The following RAB5C variants were observed in gnomAD, a reference collection of about 807,000 sequenced individuals.
RAB5C encodes the protein ras-related protein Rab-5C.
A neutral mutation model predicts 25.2 loss-of-function variants in RAB5C; 4 were observed. That is an observed-to-expected ratio of 0.16 (90% CI 0.08 to 0.36). The LOEUF (loss-of-function observed/expected upper bound fraction) is 0.36, where lower values mean the gene tolerates loss of function less well. RAB5C is among the 10% of genes least tolerant of loss of function. The pLI is 1.00. For synonymous variants in RAB5C, 100 were observed against 106.4 expected (o/e 0.94, Z 0.37); for missense variants, 199 against 283.8 (o/e 0.70, Z 2.15).
intron 1 of RAB5C, among the ~76,000 whole-genome samples, chr17:42,154,141 G>T (rs376299646): frequency 6.6e-6 from 1 of 152,184 alleles, no homozygotes; most frequent in South Asian, 2.1e-4. Context: ...TGGAGCAAGG[G>T]GGGAGGGGAA....
chr17:42,134,126 T>G (rs1216420333), intron 1 of RAB5C, among the ~76,000 whole-genome samples: 1 of 152,014 alleles, frequency 6.6e-6, no homozygotes, highest in East Asian at 1.9e-4. Context: ...TATGAGGGTG[T>G]CTAAGCCAGG....
Position 42,143,576 on chromosome 17 carries a change from G to A in RAB5C, c.-89+11317C>T, listed in dbSNP as rs772783884. 2.6e-5 allele frequency among the ~76,000 whole-genome samples: 4 copies of A among 152,168 alleles called. 1 individual carries two copies. The South Asian group carries it at 6.2e-4, about 24-fold the overall frequency. On this transcript the variant is annotated intron_variant, in intron 1 of 5. Transcript: ENST00000346213. The stretch of plus-strand genomic sequence containing the variant: ...TGCATGAATCTGGGAGGCAGAGGCT[G>A]CAGTGAGCTGAGATCGTGCAGCTGC...
intron 3 of RAB5C, 67 bp from the exon 4 acceptor site, chr17:42,128,450 G>C (rs539548222): frequency 2.1e-5 from 32 of 1,541,936 alleles, no homozygotes; most frequent in Non-Finnish European, 3.5e-6. Context: ...ACCCATTAGA[G>C]ACTCTCAAGC....
At chr17:42,139,538 C>T (rs181592832) in intron 1 of RAB5C, among the ~76,000 whole-genome samples, 64 of 152,322 alleles carry the variant, frequency 4.2e-4, no homozygotes, top group African/African-American at 1.5e-3. Flanking sequence ...TCTCGGCTCA[C>T]TGCAACCTCC....
chr17:42,148,925 C>T (rs948110925), intron 1 of RAB5C, among the ~76,000 whole-genome samples: 4 of 152,120 alleles, frequency 2.6e-5, no homozygotes, highest in Non-Finnish European at 4.4e-5. Context: ...CTGGGGTTGT[C>T]GGAGGATTAA....
At position 42,129,151 on chromosome 17, in the gene RAB5C, C is replaced by T. The variant is rs539497402; in HGVS notation, c.167-351G>A. On this transcript the variant is annotated intron_variant, in intron 2 of 5. Transcript: ENST00000346213. ...CCTACTCCAAGCACAGAAGGGTGAGCGCCCTCAGACCTCCTCCTCCGCCAC... is the reference window on the plus strand; with the variant it reads ...CCTACTCCAAGCACAGAAGGGTGAGTGCCCTCAGACCTCCTCCTCCGCCAC... 9.9e-5 allele frequency among the ~76,000 whole-genome samples: 15 copies of T among 152,190 alleles called. No individual in the cohort carries two copies. In the South Asian group the frequency reaches 2.1e-3, roughly 21 times the overall value.
At position 42,133,660 on chromosome 17, in the gene RAB5C, G is replaced by A. The variant is rs532154670; in HGVS notation, c.-88-3070C>T. Reference sequence around the variant, plus strand: ...AGAGTGAGCACAGGCACTGGCTTTCGGCACCACAGATGTGACTGTCTCCTG... The same window carrying A: ...AGAGTGAGCACAGGCACTGGCTTTCAGCACCACAGATGTGACTGTCTCCTG... On this transcript the variant is annotated intron_variant, in intron 1 of 5. Transcript: ENST00000346213. 3.5e-4 allele frequency among the ~76,000 whole-genome samples: 53 copies of A among 152,292 alleles called. No homozygotes were observed. The South Asian group carries it at 1.0e-2, about 29-fold the overall frequency.
rs2054472903 is a variant in RAB5C, at chr17:42,130,470, A to G, written c.33T>C (p.Asn11=). The G allele has an allele frequency of 1.2e-6, 2 of 1,613,954 alleles. No individual in the cohort carries two copies. The highest frequency in any genetic ancestry group is 1.3e-5 in the African/African-American group (1 of 74,884). The part of the protein sequence containing the change: MAGRGGAARP[N]GPAAGNKICQ... The stretch of plus-strand genomic sequence containing the variant: ...AGATCTTGTTCCCAGCAGCTGGTCC[A>G]TTGGGTCGTGCTGCGCCTCCCCGAC... The change falls in exon 2 of 6, where the codon AAT becomes AAC. Residue 11 remains asparagine, a synonymous_variant. Coordinates refer to ENST00000346213, the MANE Select transcript of RAB5C (RefSeq NM_004583.4).
chr17:42,132,818 A>C (rs1399940586), intron 1 of RAB5C, among the ~76,000 whole-genome samples: 1 of 151,920 alleles, frequency 6.6e-6, no homozygotes, highest in East Asian at 1.9e-4. Flanking sequence ...TATCTCCTTC[A>C]AGCTTTACGA....
chr17:42,128,839 TG>T (rs1392860562), intron 2 of RAB5C, 39 bp from the exon 3 acceptor site: 25 of 1,418,314 alleles, frequency 1.8e-5, no homozygotes, highest in Non-Finnish European at 2.2e-5. Context: ...AAGAGCGAGT[TG>T]GAATCCACCC....
chr17:42,134,599 C>T (rs558093124), intron 1 of RAB5C, among the ~76,000 whole-genome samples: 34 of 152,208 alleles, frequency 2.2e-4, no homozygotes, highest in African/African-American at 7.9e-4. Flanking sequence ...GACTTTTTTT[C>T]ACAAGTACAA....
intron 1 of RAB5C, among the ~76,000 whole-genome samples, chr17:42,139,770 G>A (rs1295227203): frequency 6.6e-6 from 1 of 152,114 alleles, no homozygotes; most frequent in Non-Finnish European, 1.5e-5. Flanking sequence ...AGCTCAACTT[G>A]GAATCTTTCT....
intron 1 of RAB5C, among the ~76,000 whole-genome samples, chr17:42,151,256 G>A (rs888423493): frequency 2.0e-5 from 3 of 152,084 alleles, no homozygotes; most frequent in Admixed American, 2.0e-4. Context: ...CTAACACGGC[G>A]GAACCCCATC....
chr17:42,146,525 C>T (rs147895906), intron 1 of RAB5C, among the ~76,000 whole-genome samples: 2 of 152,152 alleles, frequency 1.3e-5, no homozygotes, highest in Admixed American at 1.3e-4. Context: ...CCAAGGCAGG[C>T]AGACCACAAA....
At position 42,150,709 on chromosome 17, in the gene RAB5C, A is replaced by G. The variant is rs193060313; in HGVS notation, c.-89+4184T>C. ...GGTCAAACCCCATCTCTACAAAAAT[A>G]CCAAAAAAAAAAATTAGCCGGGCAT... is the stretch of plus-strand genomic sequence containing the variant. On this transcript the variant is annotated intron_variant, in intron 1 of 5. Coordinates refer to ENST00000346213, the MANE Select transcript of RAB5C (RefSeq NM_004583.4). Among the ~76,000 whole-genome samples, 1,023 of 147,152 alleles carry G rather than the reference A, an allele frequency of 7.0e-3. 8 individuals are homozygous for G. Among genetic ancestry groups the G allele is most frequent in the Non-Finnish European group, 5.9e-3 (395 of 66,678 alleles).
At chr17:42,145,157 A>G (rs2079628137) in intron 1 of RAB5C, among the ~76,000 whole-genome samples, 1 of 151,908 alleles carries the variant, frequency 6.6e-6, no homozygotes, top group Admixed American at 6.6e-5. Flanking sequence ...TGGGCGATGG[A>G]GTGAGACTCC....
intron 1 of RAB5C, among the ~76,000 whole-genome samples, chr17:42,137,267 T>C (rs1007003398): frequency 5.3e-5 from 8 of 150,290 alleles, no homozygotes; most frequent in African/African-American, 2.0e-4. Flanking sequence ...GATCGCACCA[T>C]TGCACTCCAG....
intron 5 of RAB5C, 160 bp downstream of exon 5, chr17:42,126,595 G>C (rs745386956): frequency 3.1e-5 from 11 of 358,680 alleles, no homozygotes; most frequent in Non-Finnish European, 4.9e-5. Context: ...TCGTGCCACT[G>C]AACTCCAGCC....
At chr17:42,136,849 G>C (rs895579409) in intron 1 of RAB5C, among the ~76,000 whole-genome samples, 16 of 152,306 alleles carry the variant, frequency 1.1e-4, no homozygotes, top group Non-Finnish European at 2.2e-4. Context: ...CATAACTCAA[G>C]CAAGGCTCTC....
Sources: gnomAD v4.1 joint callset for allele counts (sites outside exome capture counted in the v4.1 genomes callset) on GRCh38, gnomAD v4.1.1 for gene constraint, MANE v1.5 for transcripts, NCBI Gene and HGNC (gene_info 2026-07-23, HGNC 2026-07-21) for gene names.